The following TDRD7 variants were observed in gnomAD, a reference collection of about 807,000 sequenced individuals.
TDRD7 encodes the protein tudor domain containing 7, also known as tudor domain-containing protein 7.
TDRD7 carries 47 observed loss-of-function variants against 109.8 expected under a neutral mutation model. The observed-to-expected ratio is 0.43, with a 90% CI of 0.34 to 0.55. The LOEUF is 0.55. Ranked by LOEUF, TDRD7 falls within the 20% of genes least tolerant of loss-of-function variation. The probability of loss-of-function intolerance (pLI) is 0.03; values close to 1 mark genes in which losing one functional copy is unlikely to be tolerated. For missense variants in TDRD7, 1,164 were observed against 1,319.2 expected (o/e 0.88, Z 1.82); for synonymous variants, 424 against 457.3 (o/e 0.93, Z 0.93).
At chr9:97,419,822 C>G (rs1017450916) in intron 1 of TDRD7, among the ~76,000 whole-genome samples, 35 of 152,056 alleles carry the variant, frequency 2.3e-4, no homozygotes, top group Non-Finnish European at 2.9e-5. Flanking sequence ...TTCCCAGTAC[C>G]AGTAGACAGG....
chr9:97,478,634 T>C lies in TDRD7; in HGVS notation c.2301+61T>C, dbSNP rs762699132. The C allele has an allele frequency of 1.5e-5, 24 of 1,605,150 alleles. No homozygotes were observed. In the East Asian group the frequency reaches 2.2e-4, roughly 15 times the overall value. On this transcript the variant is annotated intron_variant, in intron 13 of 16. Coordinates refer to ENST00000355295, the MANE Select transcript of TDRD7 (RefSeq NM_014290.3). Reference sequence around the variant, plus strand: ...AGATTTGGATGTGTTCATAATCTTATTGTAAGATGCCTTCTCAGTTTTGAT... The same window carrying C: ...AGATTTGGATGTGTTCATAATCTTACTGTAAGATGCCTTCTCAGTTTTGAT...
At chr9:97,423,048 G>A (rs1339600156) in intron 1 of TDRD7, among the ~76,000 whole-genome samples, 3 of 152,192 alleles carry the variant, frequency 2.0e-5, no homozygotes, top group Non-Finnish European at 2.9e-5. Flanking sequence ...CATAAAATGA[G>A]TTCAGAAATG....
chr9:97,425,948 C>A (rs755970241), intron 1 of TDRD7, among the ~76,000 whole-genome samples: 10 of 152,266 alleles, frequency 6.6e-5, no homozygotes, highest in Admixed American at 3.3e-4. Flanking sequence ...CAGCATGTTA[C>A]TGTACTGAAT....
At chr9:97,456,344 CAAA>C (rs1185788280) in intron 6 of TDRD7, among the ~76,000 whole-genome samples, 1 of 152,124 alleles carries the variant, frequency 6.6e-6, no homozygotes, top group Non-Finnish European at 1.5e-5. Flanking sequence ...CATATGGAAT[CAAA>C]GAAGACCCCT....
At chr9:97,470,488 A>G in intron 8 of TDRD7, 70 bp from the exon 9 acceptor site, 1 of 1,393,680 alleles carries the variant, frequency 7.2e-7, no homozygotes, top group Non-Finnish European at 1.0e-6. Context: ...GATTGAGCCA[A>G]TTAAGTGTAT....
At chr9:97,486,628 T>C (rs1474004268) in intron 15 of TDRD7, among the ~76,000 whole-genome samples, 1 of 152,208 alleles carries the variant, frequency 6.6e-6, no homozygotes, top group East Asian at 1.9e-4. Flanking sequence ...TTCTCTTCCA[T>C]TCTTCCACAC....
intron 1 of TDRD7, among the ~76,000 whole-genome samples, chr9:97,416,258 A>G (rs1022260959): frequency 4.6e-5 from 7 of 152,220 alleles, no homozygotes; most frequent in Admixed American, 2.6e-4. Flanking sequence ...CTTAATTTAC[A>G]GATTGCAACC....
At chr9:97,491,249 G>A (rs189559580) in intron 16 of TDRD7, among the ~76,000 whole-genome samples, 1 of 152,038 alleles carries the variant, frequency 6.6e-6, no homozygotes, top group African/African-American at 2.4e-5. Flanking sequence ...CTGTTTTATT[G>A]TTTCTTAGAA....
intron 6 of TDRD7, among the ~76,000 whole-genome samples, chr9:97,451,918 G>C (rs1828501026): frequency 6.6e-6 from 1 of 152,220 alleles, no homozygotes; most frequent in Non-Finnish European, 1.5e-5. Context: ...CTGTGTTGAT[G>C]ATTGTTGTTG....
intron 8 of TDRD7, among the ~76,000 whole-genome samples, chr9:97,465,893 T>A (rs1245426187): frequency 6.6e-6 from 1 of 152,132 alleles, no homozygotes; most frequent in African/African-American, 2.4e-5. Context: ...AGACTTGGGT[T>A]CATTTCTGTC....
chr9:97,455,397 C>T (rs1828586837), intron 6 of TDRD7, among the ~76,000 whole-genome samples: 2 of 152,166 alleles, frequency 1.3e-5, no homozygotes. Context: ...GCCAATATCC[C>T]TGATGAACAT....
intron 16 of TDRD7, 116 bp downstream of exon 16, chr9:97,487,448 G>T (rs1587896136): frequency 5.2e-6 from 7 of 1,354,626 alleles, no homozygotes; most frequent in Non-Finnish European, 7.3e-6. Flanking sequence ...TTGGGTTTTT[G>T]TTTTTTTGTG....
In TDRD7 at chr9:97,428,488, C is replaced by T; in HGVS notation, c.23C>T (p.Ser8Leu). Residue 8 changes from serine (S) to leucine (L), a missense_variant, in exon 2 of 17, where the codon TCA (serine) becomes TTA (leucine). Physicochemically the swap from Ser to Leu is moderately radical, Grantham distance 145 (BLOSUM62 -2). Around this residue, in one of 5 missense-constraint regions of TDRD7, gnomAD observed 101 missense variants for 148.5 expected, o/e 0.68. Transcript: ENST00000355295. MLEGDLV[S>L]KMLRAVLQSH... is the part of the protein sequence containing the mutation. ...AAGATGCTGGAAGGAGATCTGGTTT[C>T]AAAGATGCTACGAGCTGTTCTGCAG... 1 of 1,613,956 alleles carries T rather than the reference C, an allele frequency of 6.2e-7. No individual in the cohort carries two copies. Among genetic ancestry groups the T allele is most frequent in the African/African-American group, 1.3e-5 (1 of 75,036 alleles).
chr9:97,490,710 TGATA>T (rs1441390291), intron 16 of TDRD7, among the ~76,000 whole-genome samples: 12 of 151,972 alleles, frequency 7.9e-5, no homozygotes, highest in Middle Eastern at 3.4e-3. Context: ...GTTACACCTT[TGATA>T]GATCTTGGAT....
Position 97,475,792 on chromosome 9 carries a change from A to G in TDRD7, c.2166+323A>G, listed in dbSNP as rs1030392708. ...AAATAGTGGAAATATATTAATGAATATGTGTATATAATATAAAGGCAAATG... is the reference window on the plus strand; with the variant it reads ...AAATAGTGGAAATATATTAATGAATGTGTGTATATAATATAAAGGCAAATG... On this transcript the variant is annotated intron_variant, in intron 12 of 16. Coordinates refer to ENST00000355295, the MANE Select transcript of TDRD7 (RefSeq NM_014290.3). Among the ~76,000 whole-genome samples the G allele has an allele frequency of 2.2e-4, 33 of 152,186 alleles. 1 individual carries two copies. The highest frequency in any genetic ancestry group is 1.6e-4 in the Non-Finnish European group (11 of 68,032).
At chr9:97,470,808 A>G in intron 9 of TDRD7, 139 bp downstream of exon 9, 1 of 667,232 alleles carries the variant, frequency 1.5e-6, no homozygotes, top group East Asian at 2.8e-5. Context: ...TTCATGTCGA[A>G]TGTATTCTTT....
At chr9:97,430,481 A>G (rs904109656) in intron 2 of TDRD7, among the ~76,000 whole-genome samples, 3 of 152,196 alleles carry the variant, frequency 2.0e-5, no homozygotes, top group African/African-American at 7.2e-5. Context: ...TATTCAACAT[A>G]GTAGTTATGA....
chr9:97,414,310 G>T (rs556404155), intron 1 of TDRD7, among the ~76,000 whole-genome samples: 1 of 152,354 alleles, frequency 6.6e-6, no homozygotes, highest in South Asian at 2.1e-4. Flanking sequence ...ATGCCAATCA[G>T]AACTTGATCA....
At chr9:97,472,250 T>C (rs887275414) in intron 9 of TDRD7, 43 bp from the exon 10 acceptor site, 2 of 1,547,538 alleles carry the variant, frequency 1.3e-6, no homozygotes, top group Non-Finnish European at 1.8e-6. Context: ...CTTGAAATGA[T>C]TTTTCTAATT....
Sources: allele counts gnomAD v4.1 joint callset (sites outside exome capture counted in the v4.1 genomes callset), GRCh38; gene constraint gnomAD v4.1.1; regional missense constraint gnomAD v4.1.1; transcripts MANE v1.5; gene names NCBI Gene and HGNC (gene_info 2026-07-23, HGNC 2026-07-21).